The following UVRAG variants were observed in gnomAD, a reference collection of about 807,000 sequenced individuals.
UVRAG encodes the protein UV radiation resistance associated.
UVRAG carries 19 observed loss-of-function variants against 78.0 expected under a neutral mutation model. The observed-to-expected ratio is 0.24, with a 90% CI of 0.17 to 0.36. The LOEUF (loss-of-function observed/expected upper bound fraction) is 0.36. Among genes scored for constraint, UVRAG ranks in the 10% least tolerant of loss-of-function variants. The probability of loss-of-function intolerance (pLI) is 1.00; values close to 1 mark genes in which losing one functional copy is unlikely to be tolerated. For missense variants in UVRAG, 740 were observed against 853.8 expected, an observed-to-expected ratio of 0.87 and a Z score of 1.66; for synonymous variants, 323 against 324.6, an observed-to-expected ratio of 1.00 and a Z score of 0.05.
chr11:75,945,871 C>T (rs1477050925), intron 6 of UVRAG, among the ~76,000 whole-genome samples: 1 of 152,046 alleles, frequency 6.6e-6, no homozygotes, highest in African/African-American at 2.4e-5. Context: ...ACTTTTCCTT[C>T]AAATGTTGGC....
chr11:75,905,591 G>A (rs1947596249), intron 5 of UVRAG, among the ~76,000 whole-genome samples: 1 of 152,106 alleles, frequency 6.6e-6, no homozygotes, highest in Non-Finnish European at 1.5e-5. Context: ...ATGTTTTGGT[G>A]TTGCATCTAC....
chr11:75,844,472 G>T (rs762928146), intron 1 of UVRAG, among the ~76,000 whole-genome samples: 1 of 152,000 alleles, frequency 6.6e-6, no homozygotes, highest in African/African-American at 2.4e-5. Flanking sequence ...TGATCTGCCT[G>T]CCTCGGCCTC....
intron 3 of UVRAG, among the ~76,000 whole-genome samples, chr11:75,878,784 A>G (rs1946870682): frequency 6.6e-6 from 1 of 151,360 alleles, no homozygotes; most frequent in African/African-American, 2.4e-5. Flanking sequence ...TCAGGCAGGG[A>G]GGTTGCAGTG....
intron 13 of UVRAG, among the ~76,000 whole-genome samples, chr11:76,076,410 C>G (rs1271919676): frequency 6.6e-6 from 1 of 152,190 alleles, no homozygotes; most frequent in Non-Finnish European, 1.5e-5. Context: ...TGCAGGGGAA[C>G]TCCCCTTTAT....
intron 5 of UVRAG, among the ~76,000 whole-genome samples, chr11:75,904,157 GAA>G (rs1947567342): frequency 6.6e-6 from 1 of 152,170 alleles, no homozygotes. Flanking sequence ...GCCCTTTATG[GAA>G]AAAGTTTGCT....
intron 14 of UVRAG, among the ~76,000 whole-genome samples, chr11:76,132,587 C>A (rs945397069): frequency 1.3e-5 from 2 of 151,964 alleles, no homozygotes; most frequent in Non-Finnish European, 2.9e-5. Context: ...AAAGCCTCAC[C>A]CCAGCTTCAA....
At chr11:76,007,684 C>G (rs1281401751) in intron 10 of UVRAG, 63 bp downstream of exon 10, 4 of 1,314,454 alleles carry the variant, frequency 3.0e-6, no homozygotes, top group Middle Eastern at 2.3e-4. Flanking sequence ...TATGACATTT[C>G]CTCTCAATGA....
intron 6 of UVRAG, among the ~76,000 whole-genome samples, chr11:75,928,939 C>CAAAAAAAGA (rs1948170904): frequency 1.5e-5 from 1 of 67,494 alleles, no homozygotes; most frequent in African/African-American, 7.8e-5. Context: ...GAGACTGTCT[C>CAAAAAAAGA]AAAAAAAAAA....
chr11:76,004,809 G>A (rs910738472), intron 9 of UVRAG, among the ~76,000 whole-genome samples: 1 of 151,998 alleles, frequency 6.6e-6, no homozygotes, highest in Non-Finnish European at 1.5e-5. Context: ...TCTTAATATG[G>A]TGATTCTTTT....
intron 8 of UVRAG, among the ~76,000 whole-genome samples, chr11:75,993,522 C>G (rs2135305121): frequency 6.6e-6 from 1 of 152,192 alleles, no homozygotes. Context: ...TAACTCAAGC[C>G]AAGTAATCTT....
At chr11:76,015,821 G>A (rs1404740590) in intron 11 of UVRAG, among the ~76,000 whole-genome samples, 11 of 152,150 alleles carry the variant, frequency 7.2e-5, no homozygotes, top group Admixed American at 7.2e-4. Flanking sequence ...TTAGAAGTCA[G>A]GGAATAGTCA....
chr11:75,872,882 GTAGTA>G (rs1276491792), intron 3 of UVRAG, among the ~76,000 whole-genome samples: 2 of 152,232 alleles, frequency 1.3e-5, no homozygotes, highest in Non-Finnish European at 1.5e-5. Flanking sequence ...AGTCAAATTA[GTAGTA>G]TAGTACCTGG....
At chr11:75,852,034 T>A (rs1946164256) in intron 2 of UVRAG, 34 bp downstream of exon 2, 1 of 1,423,266 alleles carries the variant, frequency 7.0e-7, no homozygotes, top group Non-Finnish European at 9.7e-7. Flanking sequence ...ACCCACAGAT[T>A]GTTATATTTT....
At chr11:75,815,550 C>A in intron 1 of UVRAG, 26 bp downstream of exon 1, 1 of 1,213,472 alleles carries the variant, frequency 8.2e-7, no homozygotes, top group East Asian at 3.2e-5. Context: ...TCGCAGCACT[C>A]GGGAGGGACC....
intron 6 of UVRAG, among the ~76,000 whole-genome samples, chr11:75,956,951 C>T (rs1311604228): frequency 6.7e-6 from 1 of 149,820 alleles, no homozygotes; most frequent in South Asian, 2.1e-4. Flanking sequence ...ATTTATAAGA[C>T]TTCTTTATAG....
intron 11 of UVRAG, among the ~76,000 whole-genome samples, chr11:76,014,607 C>T (rs1213536078): frequency 6.6e-6 from 1 of 152,184 alleles, no homozygotes; most frequent in African/African-American, 2.4e-5. Context: ...CTCACAGTTA[C>T]AGCTGTGACT....
At chr11:76,054,784 G>A (rs147913453) in intron 12 of UVRAG, among the ~76,000 whole-genome samples, 6 of 152,292 alleles carry the variant, frequency 3.9e-5, no homozygotes, top group Non-Finnish European at 5.9e-5. Context: ...GCTTCATGAA[G>A]ACAGGAACTT....
chr11:75,823,439 T>C (rs1213543107), intron 1 of UVRAG, among the ~76,000 whole-genome samples: 3 of 152,240 alleles, frequency 2.0e-5, no homozygotes, highest in Admixed American at 1.3e-4. Flanking sequence ...ACTCAAATTA[T>C]GTGCCTCAGC....
At chr11:75,820,705 A>G (rs1384276253) in intron 1 of UVRAG, among the ~76,000 whole-genome samples, 2 of 152,226 alleles carry the variant, frequency 1.3e-5, no homozygotes, top group Non-Finnish European at 2.9e-5. Flanking sequence ...GTTAGAATTA[A>G]TGAATCAATA....
Sources: gnomAD v4.1 joint callset for allele counts (sites outside exome capture counted in the v4.1 genomes callset) on GRCh38, gnomAD v4.1.1 for gene constraint, MANE v1.5 for transcripts, NCBI Gene and HGNC (gene_info 2026-07-23, HGNC 2026-07-21) for gene names.